Variants in CNTN5 observed in about 807,000 individuals in gnomAD.
CNTN5 encodes contactin-5.
A neutral mutation model predicts 129.1 loss-of-function variants in CNTN5; 77 were observed. The ratio of observed to expected loss-of-function variants is 0.60; its 90% CI spans 0.50 to 0.72. CNTN5 has a LOEUF of 0.72. CNTN5 is among the 30% of genes least tolerant of loss of function. The pLI is 0.00. For missense variants in CNTN5, 1,478 were observed against 1,328.8 expected, an observed-to-expected ratio of 1.11 and a Z score of -1.75; for synonymous variants, 509 against 465.6, an observed-to-expected ratio of 1.09 and a Z score of -1.20.
intron 13 of CNTN5, among the ~76,000 whole-genome samples, chr11:100,147,306 C>G (rs1308156668): frequency 2.0e-5 from 3 of 152,110 alleles, no homozygotes; most frequent in Admixed American, 2.0e-4. Context: ...TCCGTCTGGT[C>G]TTTTTATCTC....
At chr11:100,140,200 C>T (rs570326986) in intron 13 of CNTN5, among the ~76,000 whole-genome samples, 5 of 152,302 alleles carry the variant, frequency 3.3e-5, no homozygotes, top group Non-Finnish European at 7.4e-5. Context: ...GTATTAGGAG[C>T]TTACTTGAGT....
At chr11:100,080,597 T>C (rs117577804) in intron 13 of CNTN5, among the ~76,000 whole-genome samples, 4,213 of 152,256 alleles carry the variant, frequency 0.028, 85 homozygotes, top group Non-Finnish European at 0.043. Flanking sequence ...TTATTTTATC[T>C]ATGGAAGAAG....
intron 3 of CNTN5, among the ~76,000 whole-genome samples, chr11:99,626,201 G>T (rs1951127065): frequency 6.6e-6 from 1 of 152,018 alleles, no homozygotes; most frequent in Admixed American, 6.6e-5. Context: ...TATGGATGGG[G>T]ATTAATTCAG....
At chr11:100,125,005 G>A (rs773184632) in intron 13 of CNTN5, among the ~76,000 whole-genome samples, 7 of 152,032 alleles carry the variant, frequency 4.6e-5, no homozygotes, top group African/African-American at 9.7e-5. Flanking sequence ...GATCTGGGGC[G>A]AGGCCTGGAA....
intron 9 of CNTN5, among the ~76,000 whole-genome samples, chr11:100,027,083 C>T (rs1036938215): frequency 2.0e-5 from 3 of 152,052 alleles, no homozygotes; most frequent in African/African-American, 7.2e-5. Context: ...GTTTTGAACA[C>T]ATGAAATGTA....
At chr11:99,079,793 T>A (rs1037883798) in intron 1 of CNTN5, among the ~76,000 whole-genome samples, 13 of 152,226 alleles carry the variant, frequency 8.5e-5, no homozygotes, top group African/African-American at 3.1e-4. Context: ...CCCGTCAACC[T>A]GGTGAACTCC....
intron 2 of CNTN5, among the ~76,000 whole-genome samples, chr11:99,422,518 TTATATATATATATATATA>T (rs71046684): frequency 0.037 from 3,061 of 83,464 alleles, 75 homozygotes; most frequent in African/African-American, 0.088. Context: ...CTTTATATTT[TTATATATATATATATATA>T]TATATATATA....
chr11:99,992,197 T>C (rs1375004185), intron 8 of CNTN5, among the ~76,000 whole-genome samples: 1 of 152,208 alleles, frequency 6.6e-6, no homozygotes, highest in Non-Finnish European at 1.5e-5. Flanking sequence ...CAGGAGTTCT[T>C]AACTCCAGCA....
chr11:99,036,436 G>A lies in CNTN5; in HGVS notation c.-210+15166G>A, dbSNP rs1165270232. On this transcript the variant is annotated intron_variant, in intron 1 of 24. Coordinates refer to ENST00000524871, the MANE Select transcript of CNTN5 (RefSeq NM_014361.4). ...TTTTGGGTAGCTACATAACAAAAAT[G>A]TATCTAATTTTTAATAGAGTACTTT... Among the ~76,000 whole-genome samples, 7 of 151,972 alleles carry A rather than the reference G, an allele frequency of 4.6e-5. No individual in the cohort carries two copies. The East Asian group carries it at 9.7e-4, about 21-fold the overall frequency.
At chr11:99,381,200 T>G (rs1305408564) in intron 2 of CNTN5, among the ~76,000 whole-genome samples, 2 of 151,886 alleles carry the variant, frequency 1.3e-5, no homozygotes, top group Non-Finnish European at 2.9e-5. Context: ...CTGCGGTAAG[T>G]GCTACAATAT....
At chr11:99,174,060 G>A (rs761710788) in intron 1 of CNTN5, among the ~76,000 whole-genome samples, 9 of 152,112 alleles carry the variant, frequency 5.9e-5, no homozygotes, top group East Asian at 1.9e-4. Context: ...TGCAGTGGCC[G>A]TGTTCTTGGC....
At chr11:99,800,509 TTGA>T (rs1384098510) in intron 3 of CNTN5, among the ~76,000 whole-genome samples, 4 of 152,152 alleles carry the variant, frequency 2.6e-5, no homozygotes, top group African/African-American at 9.6e-5. Flanking sequence ...GTTTTGGGCC[TTGA>T]TGATCTGTCT....
chr11:99,835,486 G>A (rs1465968056), intron 4 of CNTN5, among the ~76,000 whole-genome samples: 1 of 152,120 alleles, frequency 6.6e-6, no homozygotes, highest in African/African-American at 2.4e-5. Context: ...AAAGCTGTCA[G>A]CAGTCAAAGA....
intron 2 of CNTN5, among the ~76,000 whole-genome samples, chr11:99,529,237 C>T (rs187099391): frequency 3.3e-5 from 5 of 152,270 alleles, no homozygotes; most frequent in South Asian, 2.1e-4. Flanking sequence ...CACTCAGGTT[C>T]GCACACTAGT....
At chr11:99,299,343 G>A (rs2135940467) in intron 1 of CNTN5, among the ~76,000 whole-genome samples, 1 of 152,024 alleles carries the variant, frequency 6.6e-6, no homozygotes, top group East Asian at 1.9e-4. Flanking sequence ...TAATAGTAAA[G>A]GAACAGAAGT....
intron 2 of CNTN5, among the ~76,000 whole-genome samples, chr11:99,342,292 G>T (rs1000504863): frequency 1.3e-5 from 2 of 151,996 alleles, no homozygotes; most frequent in Admixed American, 1.3e-4. Context: ...AGACAACTGT[G>T]TGAGGAGAGG....
intron 7 of CNTN5, among the ~76,000 whole-genome samples, chr11:99,927,015 A>T (rs1950077653): frequency 6.6e-6 from 1 of 152,156 alleles, no homozygotes; most frequent in Admixed American, 6.5e-5. Context: ...GAGTGAGACT[A>T]ATTTTAAAAG....
chr11:99,141,219 C>G (rs1485387022), intron 1 of CNTN5, among the ~76,000 whole-genome samples: 58 of 151,948 alleles, frequency 3.8e-4, no homozygotes, highest in Non-Finnish European at 7.4e-5. Context: ...TTGGTTCAAC[C>G]TTGGGAAGTT....
At chr11:99,637,010 C>CAAAAAAAAAAAAG (rs1951584171) in intron 3 of CNTN5, among the ~76,000 whole-genome samples, 1 of 7,824 alleles carries the variant, frequency 1.3e-4, no homozygotes, top group African/African-American at 2.6e-4. Flanking sequence ...AACTTTGTCT[C>CAAAAAAAAAAAAG]AAAAAAAAAA....
Sources: gnomAD v4.1 joint callset for allele counts (sites outside exome capture counted in the v4.1 genomes callset) on GRCh38, gnomAD v4.1.1 for gene constraint, MANE v1.5 for transcripts, NCBI Gene and HGNC (gene_info 2026-07-23, HGNC 2026-07-21) for gene names.